CLTC: variants seen among roughly 807,000 people sequenced by gnomAD.
The protein encoded by CLTC is clathrin heavy chain 1.
In CLTC, 16 loss-of-function variants were observed where a neutral mutation model predicts 195.8. The observed-to-expected ratio is 0.08, with a 90% CI of 0.06 to 0.12. The LOEUF (loss-of-function observed/expected upper bound fraction) is 0.12. CLTC is among the 10% of genes least tolerant of loss of function. The pLI, the probability that CLTC is intolerant of heterozygous loss-of-function variation, is 1.00. For missense variants in CLTC, 796 were observed against 2,027.0 expected (o/e 0.39, Z 11.66); for synonymous variants, 667 against 689.4 (o/e 0.97, Z 0.51).
At position 59,683,298 on chromosome 17, in the gene CLTC, T is replaced by C; in HGVS notation, c.4041+36T>C. 6.2e-7 allele frequency: 1 copy of C among 1,606,900 alleles called. No homozygotes were observed. Among genetic ancestry groups the C allele is most frequent in the Non-Finnish European group, 8.5e-7 (1 of 1,175,878 alleles). ...ATTGTAACACAGTGAAGCAACTGTG[T>C]AGTTAAAACTAATGCTTCAAAATAT... On this transcript the variant is annotated intron_variant, in intron 25 of 31. Transcript: ENST00000269122. This position sits in a 1 kb window ranked among gnomAD's most constrained non-coding sequence, Gnocchi z 6.1.
chr17:59,646,015 A>C (rs2032184863), intron 2 of CLTC: 1 of 810,368 alleles, frequency 1.2e-6, no homozygotes, highest in African/African-American at 1.9e-5. Context: ...TTATGTGTGC[A>C]GATGGTGAGT....
intron 17 of CLTC, 31 bp downstream of exon 17, chr17:59,677,219 G>A (rs1182891198): frequency 6.5e-7 from 1 of 1,544,284 alleles, no homozygotes; most frequent in South Asian, 1.1e-5. Flanking sequence ...ATGTAGAGAA[G>A]CTGCATTTTT....
intron 31 of CLTC, 115 bp from the exon 32 acceptor site, chr17:59,693,613 T>A (rs1567978762): frequency 1.6e-6 from 2 of 1,247,060 alleles, no homozygotes; most frequent in Admixed American, 5.1e-5. Context: ...TACAACTCAT[T>A]TGAGGTTGAG....
Position 59,685,249 on chromosome 17 carries a change from G to A in CLTC, c.4605+23G>A, listed in dbSNP as rs1394977337. The A allele has an allele frequency of 1.9e-6, 3 of 1,561,354 alleles. No homozygotes were observed. The highest frequency in any genetic ancestry group is 2.4e-5 in the South Asian group (2 of 83,404). On this transcript the variant is annotated intron_variant, in intron 29 of 31. Transcript: ENST00000269122. This position sits in a 1 kb window ranked among gnomAD's most constrained non-coding sequence, Gnocchi z 5.0. ...AAGGTTGATAAAGTTGCGGGGCAGG[G>A]GCTGTTTTAAACCAGGCCTAAAATG...
chr17:59,663,263 A>C (rs565480085), intron 8 of CLTC, among the ~76,000 whole-genome samples: 1 of 152,202 alleles, frequency 6.6e-6, no homozygotes, highest in Non-Finnish European at 1.5e-5. Context: ...CACAGAAGAC[A>C]GTATCTGCCT....
chr17:59,680,908 G>A lies in CLTC; in HGVS notation c.2920-4G>A. The stretch of plus-strand genomic sequence containing the variant: ...AGTACTTATGTCCCATATATCCTCT[G>A]TAGGTTGTACAAACAGCTTTGTCTG... On this transcript the variant is annotated splice_region_variant and splice_polypyrimidine_tract_variant and intron_variant, in intron 18 of 31. Coordinates refer to ENST00000269122, the MANE Select transcript of CLTC (RefSeq NM_004859.4). 6.2e-7 allele frequency: 1 copy of A among 1,611,354 alleles called. No individual in the cohort carries two copies.
At chr17:59,626,937 G>T (rs984669104) in intron 1 of CLTC, among the ~76,000 whole-genome samples, 2 of 152,022 alleles carry the variant, frequency 1.3e-5, no homozygotes, top group Non-Finnish European at 2.9e-5. Flanking sequence ...TCACTCTGTT[G>T]CCCAGGCTGG....
chr17:59,672,876 C>T (rs574409213), intron 14 of CLTC, among the ~76,000 whole-genome samples: 2 of 152,208 alleles, frequency 1.3e-5, no homozygotes, highest in African/African-American at 4.8e-5. Context: ...GAATGTTTCA[C>T]TGTGTATAAA....
chr17:59,663,893 T>C lies in CLTC; in HGVS notation c.1420T>C (p.Leu474=). 1 of 1,613,914 alleles carries C rather than the reference T, an allele frequency of 6.2e-7. No homozygotes were observed. Among genetic ancestry groups the C allele is most frequent in the Non-Finnish European group, 8.5e-7 (1 of 1,179,858 alleles). Residue 474 remains leucine (L), a synonymous_variant, in exon 9 of 32, where the codon TTG becomes CTG. Transcript: ENST00000269122. ...GDLVKSVDPT[L]ALSVYLRANV... Reference sequence around the variant, plus strand: ...TCTTGTGAAATCTGTGGACCCTACATTGGCACTTAGTGTGTACCTAAGGGC... The same window carrying C: ...TCTTGTGAAATCTGTGGACCCTACACTGGCACTTAGTGTGTACCTAAGGGC...
In CLTC at chr17:59,686,094, T is replaced by G. The variant is rs566182755; in HGVS notation, c.4827+286T>G. Among the ~76,000 whole-genome samples, 35 of 152,274 alleles carry G rather than the reference T, an allele frequency of 2.3e-4. 1 individual carries two copies. Among genetic ancestry groups the G allele is most frequent in the African/African-American group, 8.4e-4 (35 of 41,566 alleles). ...GATAAATTTTATTTCAAAATAGTATTTTTCTCAAAATCAGTTCTTGTGACT... is the reference window on the plus strand; with the variant it reads ...GATAAATTTTATTTCAAAATAGTATGTTTCTCAAAATCAGTTCTTGTGACT... On this transcript the variant is annotated intron_variant, in intron 30 of 31. Transcript: ENST00000269122.
At chr17:59,657,723 G>A (rs554169103) in intron 6 of CLTC, among the ~76,000 whole-genome samples, 24 of 148,242 alleles carry the variant, frequency 1.6e-4, no homozygotes, top group African/African-American at 5.8e-4. Context: ...AGCTGAGATC[G>A]CGCCACTGTA....
intron 1 of CLTC, among the ~76,000 whole-genome samples, chr17:59,632,579 G>T (rs1404861740): frequency 2.6e-5 from 4 of 151,946 alleles, no homozygotes; most frequent in African/African-American, 9.7e-5. Context: ...GGAGCCGGAG[G>T]TTGCAGTGAG....
chr17:59,674,847 T>C lies in CLTC; in HGVS notation c.2561+4T>C. On this transcript the variant is annotated splice_donor_region_variant and intron_variant, in intron 16 of 31. Coordinates refer to ENST00000269122, the MANE Select transcript of CLTC (RefSeq NM_004859.4). ...CTGAGGTTGAAAAAAGAAACAGGTGTAGTACCATTTTAACAGGGATAAGTT... is the reference window on the plus strand; with the variant it reads ...CTGAGGTTGAAAAAAGAAACAGGTGCAGTACCATTTTAACAGGGATAAGTT... The C allele has an allele frequency of 6.2e-7, 1 of 1,611,394 alleles. No individual in the cohort carries two copies. Among genetic ancestry groups the C allele is most frequent in the Non-Finnish European group, 8.5e-7 (1 of 1,178,932 alleles).
chr17:59,648,990 G>C lies in CLTC; in HGVS notation c.681+589G>C, dbSNP rs1467937267. ...GCATTTTAAATACCTTATATGGCTTGATATAGAGGCAATGTAGACTACAGG... is the reference window on the plus strand; with the variant it reads ...GCATTTTAAATACCTTATATGGCTTCATATAGAGGCAATGTAGACTACAGG... On this transcript the variant is annotated intron_variant, in intron 4 of 31. Coordinates refer to ENST00000269122, the MANE Select transcript of CLTC (RefSeq NM_004859.4). The surrounding 1 kb of genome is among the most constrained non-coding windows in gnomAD (Gnocchi z 4.5). 6.6e-6 allele frequency among the ~76,000 whole-genome samples: 1 copy of C among 152,158 alleles called. No homozygotes were observed. The highest frequency in any genetic ancestry group is 1.9e-4 in the East Asian group (1 of 5,206).
chr17:59,643,739 C>G (rs2032110267), intron 1 of CLTC, among the ~76,000 whole-genome samples: 1 of 152,160 alleles, frequency 6.6e-6, no homozygotes. Flanking sequence ...GCTGTGTAGC[C>G]TTTGACAAGA....
Position 59,683,557 on chromosome 17 carries a change from A to G in CLTC, c.4191+21A>G. On this transcript the variant is annotated intron_variant, in intron 26 of 31. Coordinates refer to ENST00000269122, the MANE Select transcript of CLTC (RefSeq NM_004859.4). The surrounding 1 kb of genome is among the most constrained non-coding windows in gnomAD (Gnocchi z 6.1). The stretch of plus-strand genomic sequence containing the variant: ...CCAAGGTGTGTACTTTCTTCAGAAG[A>G]TAAAGGATTCAGAAGGAGAAAGCTC... 6.2e-7 allele frequency: 1 copy of G among 1,613,216 alleles called. No homozygotes were observed. The highest frequency in any genetic ancestry group is 2.2e-5 in the East Asian group (1 of 44,856).
At chr17:59,680,397 G>T (rs2033059685) in intron 18 of CLTC, among the ~76,000 whole-genome samples, 1 of 152,052 alleles carries the variant, frequency 6.6e-6, no homozygotes, top group Admixed American at 6.6e-5. Flanking sequence ...AAATTCTCCT[G>T]AGATAAGTAT....
chr17:59,664,933 G>A, intron 10 of CLTC, 24 bp downstream of exon 10: 2 of 1,612,076 alleles, frequency 1.2e-6, no homozygotes, highest in Non-Finnish European at 1.7e-6. Context: ...AATATATTTT[G>A]TAGAAGCTGA....
At chr17:59,664,550 C>CAAAAAA (rs57413220) in intron 9 of CLTC, 3 of 224,550 alleles carry the variant, frequency 1.3e-5, no homozygotes, top group Non-Finnish European at 1.7e-5. Flanking sequence ...GACCCTGTCT[C>CAAAAAA]AAAAAAAAAA....
Sources: gnomAD v4.1 joint callset for allele counts (sites outside exome capture counted in the v4.1 genomes callset) on GRCh38, gnomAD v4.1.1 for gene constraint, Gnocchi (gnomAD v3.1) non-coding constraint, MANE v1.5 for transcripts, NCBI Gene and HGNC (gene_info 2026-07-23, HGNC 2026-07-21) for gene names.